MRPL39: variants seen among roughly 807,000 people sequenced by gnomAD.
MRPL39 encodes mitochondrial ribosomal protein L39, also known as large ribosomal subunit protein mL39.
Under a neutral mutation model 44.5 loss-of-function variants are expected in MRPL39, and 35 were observed. That is an observed-to-expected ratio of 0.79 (90% CI 0.60 to 1.04). MRPL39 has a LOEUF of 1.04. MRPL39 is among the 50% of genes least tolerant of loss of function. The probability of loss-of-function intolerance (pLI) is 0.00; values close to 1 mark genes in which losing one functional copy is unlikely to be tolerated. For synonymous variants in MRPL39, 139 were observed against 136.1 expected (o/e 1.02, Z -0.15); for missense variants, 433 against 413.5 (o/e 1.05, Z -0.41).
At chr21:25,604,014 A>G (rs2031596227) in intron 2 of MRPL39, 79 bp from the exon 3 acceptor site, 1 of 1,356,926 alleles carries the variant, frequency 7.4e-7, no homozygotes, top group East Asian at 2.4e-5. Flanking sequence ...ATTTAGAAAT[A>G]TAACAATGGA....
At chr21:25,594,567 G>A (rs1430172863) in intron 6 of MRPL39, among the ~76,000 whole-genome samples, 1 of 151,878 alleles carries the variant, frequency 6.6e-6, no homozygotes, top group East Asian at 1.9e-4. Flanking sequence ...CTTTCCATGG[G>A]TATCAGTGGC....
intron 9 of MRPL39, among the ~76,000 whole-genome samples, chr21:25,588,545 A>G (rs2031074534): frequency 6.6e-6 from 1 of 152,226 alleles, no homozygotes; most frequent in Non-Finnish European, 1.5e-5. Flanking sequence ...TGATACCATT[A>G]CAACTATTAA....
In MRPL39 at chr21:25,592,606, A is replaced by AT. The variant is rs939310138; in HGVS notation, c.921+205dup. On this transcript the variant is annotated intron_variant, in intron 8 of 9. Transcript: ENST00000352957. ...AATTTTTAAATGCTATGTCAATTTA[A>AT]TTTTTTCAACTAATGTTTCTTTTGT... 2.6e-5 allele frequency among the ~76,000 whole-genome samples: 4 copies of AT among 152,124 alleles called. No homozygotes were observed. In the East Asian group the frequency reaches 7.7e-4, roughly 29 times the overall value.
intron 3 of MRPL39, among the ~76,000 whole-genome samples, chr21:25,602,005 T>C (rs1272783182): frequency 2.0e-5 from 3 of 152,266 alleles, no homozygotes; most frequent in African/African-American, 7.2e-5. Context: ...ATGCCTGATA[T>C]GGTATCAGAG....
At chr21:25,607,182 C>G (rs2031705706) in intron 1 of MRPL39, among the ~76,000 whole-genome samples, 1 of 152,196 alleles carries the variant, frequency 6.6e-6, no homozygotes, top group Non-Finnish European at 1.5e-5. Context: ...CTGGCTCCGA[C>G]CCCTGGCCCC....
At position 25,593,960 on chromosome 21, in the gene MRPL39, T is replaced by C. The variant is rs2123234508; in HGVS notation, c.702-2A>G. Reference sequence around the variant, plus strand: ...TCTTCTATGAAATCTACTTTGTACCTGAAAAGCAGCAAAGAAAAAAACATT... The same window carrying C: ...TCTTCTATGAAATCTACTTTGTACCCGAAAAGCAGCAAAGAAAAAAACATT... On this transcript the variant is annotated splice_acceptor_variant, in intron 6 of 9. Coordinates refer to ENST00000352957, the MANE Select transcript of MRPL39 (RefSeq NM_017446.4). LOFTEE classifies it high-confidence loss of function. The C allele has an allele frequency of 6.2e-7, 1 of 1,612,562 alleles. No individual in the cohort carries two copies. The highest frequency in any genetic ancestry group is 8.5e-7 in the Non-Finnish European group (1 of 1,179,416).
chr21:25,603,255 G>A lies in MRPL39; in HGVS notation c.420+541C>T, dbSNP rs571126770. Among the ~76,000 whole-genome samples the A allele has an allele frequency of 2.6e-5, 4 of 152,244 alleles. No homozygotes were observed. The East Asian group carries it at 7.7e-4, about 29-fold the overall frequency. On this transcript the variant is annotated intron_variant, in intron 3 of 9. Transcript: ENST00000352957. ...GGAAGTGGAAAGAAGCAGGGGGGAG[G>A]CCAAGCTGGAAAGGCAGGCTGGGAA... is the stretch of plus-strand genomic sequence containing the variant.
At chr21:25,587,382 C>A (rs1300849981) in intron 9 of MRPL39, among the ~76,000 whole-genome samples, 1 of 151,984 alleles carries the variant, frequency 6.6e-6, no homozygotes, top group Non-Finnish European at 1.5e-5. Context: ...GTAATTTCTT[C>A]TCATGAGAAA....
chr21:25,607,550 T>C (rs1019382133), upstream of MRPL39: 3 of 1,488,174 alleles, frequency 2.0e-6, no homozygotes, highest in South Asian at 1.2e-5. Flanking sequence ...CACTCGGAGT[T>C]CCGCAGGACA....
intron 8 of MRPL39, among the ~76,000 whole-genome samples, chr21:25,591,189 G>A (rs755531621): frequency 3.3e-5 from 5 of 151,172 alleles, no homozygotes; most frequent in Non-Finnish European, 7.4e-5. Context: ...AAACTTTTAG[G>A]AGGGAAAAAA....
At chr21:25,585,812 C>A in intron 9 of MRPL39, 58 bp from the exon 10 acceptor site, 1 of 1,237,240 alleles carries the variant, frequency 8.1e-7, no homozygotes. Context: ...TTACCCTTCA[C>A]CCACCATTTT....
At chr21:25,597,197 ACT>A in intron 6 of MRPL39, 103 bp downstream of exon 6, 3 of 681,530 alleles carry the variant, frequency 4.4e-6, no homozygotes, top group Non-Finnish European at 7.5e-6. Flanking sequence ...AAAATAATAC[ACT>A]GTCACATGTA....
intron 2 of MRPL39, 73 bp downstream of exon 2, chr21:25,606,376 C>T (rs2031668076): frequency 1.5e-6 from 2 of 1,312,238 alleles, no homozygotes; most frequent in Non-Finnish European, 2.1e-6. Context: ...TTACAGCATC[C>T]TGTCTCCTGC....
intron 6 of MRPL39, among the ~76,000 whole-genome samples, chr21:25,595,175 G>A (rs185825955): frequency 2.7e-4 from 41 of 152,318 alleles, no homozygotes; most frequent in Admixed American, 2.4e-3. Flanking sequence ...CACCACAGGT[G>A]TATGCACAAT....
intron 9 of MRPL39, among the ~76,000 whole-genome samples, chr21:25,586,607 C>A (rs1051566744): frequency 6.6e-6 from 1 of 152,166 alleles, no homozygotes; most frequent in Admixed American, 6.5e-5. Flanking sequence ...GGGACACAAG[C>A]CCCTCATATT....
At chr21:25,607,551 C>T, upstream of MRPL39, 1 of 1,483,078 alleles carries the variant, frequency 6.7e-7, no homozygotes, top group Middle Eastern at 1.7e-4. Context: ...ACTCGGAGTT[C>T]CGCAGGACAG....
intron 6 of MRPL39, among the ~76,000 whole-genome samples, chr21:25,596,727 A>G (rs976874319): frequency 2.6e-5 from 4 of 151,538 alleles, no homozygotes; most frequent in African/African-American, 9.7e-5. Flanking sequence ...CTAATATTGT[A>G]TTAGATTAAT....
intron 5 of MRPL39, 121 bp from the exon 6 acceptor site, chr21:25,597,535 A>C (rs1017569556): frequency 3.6e-6 from 2 of 554,784 alleles, no homozygotes; most frequent in Non-Finnish European, 6.2e-6. Flanking sequence ...AGATAAAATC[A>C]AATTTGTTAG....
At chr21:25,589,421 A>ATT (rs3989368) in intron 8 of MRPL39, among the ~76,000 whole-genome samples, 121,541 of 148,546 alleles carry the variant, frequency 0.82, 50,116 homozygotes, top group Non-Finnish European at 0.87. Context: ...ACAATAGTAA[A>ATT]TTTTTTTTTT....
Sources: gnomAD v4.1 joint callset for allele counts (sites outside exome capture counted in the v4.1 genomes callset) on GRCh38, gnomAD v4.1.1 for gene constraint, MANE v1.5 for transcripts, NCBI Gene and HGNC (gene_info 2026-07-23, HGNC 2026-07-21) for gene names.